The following BTD variants were observed in gnomAD, a reference collection of about 807,000 sequenced individuals.
BTD encodes the protein biocytinase.
In BTD, 13 loss-of-function variants were observed where a neutral mutation model predicts 17.7. The observed-to-expected ratio is 0.74, with a 90% CI of 0.48 to 1.17. BTD has a LOEUF of 1.17. BTD is among the 50% of genes most tolerant of loss of function. BTD has a pLI of 0.00. For missense variants in BTD, 674 were observed against 650.4 expected, an observed-to-expected ratio of 1.04 and a Z score of -0.39; for synonymous variants, 240 against 245.2, an observed-to-expected ratio of 0.98 and a Z score of 0.20.
intron 3 of BTD, chr3:15,684,848 A>G (rs1455535988): frequency 5.6e-6 from 1 of 180,084 alleles, no homozygotes; most frequent in African/African-American, 2.4e-5. Flanking sequence ...ACTTCAGGCT[A>G]CATGGTGGCT....
At chr3:15,613,258 A>G (rs1574979830) in intron 1 of BTD, among the ~76,000 whole-genome samples, 1 of 152,214 alleles carries the variant, frequency 6.6e-6, no homozygotes, top group African/African-American at 2.4e-5. Context: ...GCATTTTCCA[A>G]TTATGCATAT....
intron 3 of BTD, among the ~76,000 whole-genome samples, chr3:15,664,921 T>C (rs934161107): frequency 1.3e-5 from 2 of 151,684 alleles, no homozygotes; most frequent in African/African-American, 4.9e-5. Context: ...GCCTATTACC[T>C]GGGTGATGAA....
intron 1 of BTD, among the ~76,000 whole-genome samples, chr3:15,607,125 G>A (rs776730467): frequency 1.3e-5 from 2 of 152,002 alleles, no homozygotes; most frequent in Non-Finnish European, 2.9e-5. Flanking sequence ...TGCATACTCC[G>A]TAAGGACTAT....
intron 4 of BTD, chr3:15,720,945 T>G: frequency 6.2e-6 from 10 of 1,613,790 alleles, no homozygotes; most frequent in Non-Finnish European, 8.5e-6. Context: ...CATTGCCAAC[T>G]AGAAGCTCTA....
intron 3 of BTD, among the ~76,000 whole-genome samples, chr3:15,675,640 TA>T (rs936440668): frequency 8.5e-5 from 13 of 152,316 alleles, no homozygotes; most frequent in African/African-American, 3.1e-4. Context: ...CTTTGGCTAC[TA>T]AAACAACAGA....
intron 1 of BTD, among the ~76,000 whole-genome samples, chr3:15,619,442 G>C (rs756074888): frequency 7.2e-5 from 11 of 152,120 alleles, no homozygotes; most frequent in African/African-American, 1.4e-4. Context: ...TATTTAGCCT[G>C]TTAATGTGAT....
At chr3:15,630,012 C>T (rs537446312) in intron 1 of BTD, 2 of 984,996 alleles carry the variant, frequency 2.0e-6, no homozygotes, top group Admixed American at 1.2e-4. Flanking sequence ...ACAGATTTCC[C>T]CACGCAGACG....
downstream of BTD, among the ~76,000 whole-genome samples, chr3:15,653,900 A>C (rs1335526788): frequency 6.6e-6 from 1 of 152,190 alleles, no homozygotes; most frequent in African/African-American, 2.4e-5. Context: ...CTGTTTTTTA[A>C]AATTTATTTT....
chr3:15,609,632 C>T (rs2064557192), intron 1 of BTD, among the ~76,000 whole-genome samples: 2 of 152,086 alleles, frequency 1.3e-5, no homozygotes, highest in African/African-American at 4.8e-5. Context: ...CTTCTCAGTT[C>T]CATTTCTCTG....
chr3:15,714,532 G>A (rs186540761), downstream of BTD: 3,598 of 1,083,702 alleles, frequency 3.3e-3, no homozygotes, highest in South Asian at 9.4e-3. Flanking sequence ...CTACATTTAA[G>A]AAAAAAAAAA....
In BTD at chr3:15,648,016, C is replaced by T. The variant is rs901970506; in HGVS notation, c.*2528C>T. On this transcript the variant is annotated 3_prime_UTR_variant, in exon 4 of 4. Coordinates refer to ENST00000643237, the MANE Select transcript of BTD (RefSeq NM_001370658.1). Reference sequence around the variant, plus strand: ...GAAACCCACCCAGGCCACTTTTCCCCACAGGTGGCCCTGCTTGGTACCTGT... The same window carrying T: ...GAAACCCACCCAGGCCACTTTTCCCTACAGGTGGCCCTGCTTGGTACCTGT... Among the ~76,000 whole-genome samples, 1 of 152,158 alleles carries T rather than the reference C, an allele frequency of 6.6e-6. No individual in the cohort carries two copies. The highest frequency in any genetic ancestry group is 2.4e-5 in the African/African-American group (1 of 41,448).
intron 3 of BTD, chr3:15,709,545 C>A: frequency 1.7e-6 from 1 of 587,556 alleles, no homozygotes; most frequent in East Asian, 3.2e-5. Flanking sequence ...CTGGGACTCT[C>A]AATGAATCAT....
rs752641015 is a variant in BTD at position 15,635,524 on chromosome 3, G to A, written c.85G>A (p.Val29Met). The stretch of plus-strand genomic sequence containing the variant: ...GGGAGCCCACACCGGGGAGGAGAGC[G>A]TGGCTGACCATCACGAGGCTGAATA... ...ALGAHTGEES[V>M]ADHHEAEYYV... Residue 29 changes from valine to methionine, a missense_variant, in exon 2 of 4, where the codon GTG becomes ATG. Val to Met is a conservative substitution (Grantham distance 21). Coordinates refer to ENST00000643237, the MANE Select transcript of BTD (RefSeq NM_001370658.1). The surrounding 1 kb of genome is among the most constrained non-coding windows in gnomAD (Gnocchi z 4.1). 8.1e-6 allele frequency: 13 copies of A among 1,614,014 alleles called. No homozygotes were observed. Among genetic ancestry groups the A allele is most frequent in the African/African-American group, 2.7e-5 (2 of 74,908 alleles).
rs998179980 is a variant in BTD at position 15,631,332 on chromosome 3, T to C, written c.-16-4092T>C. On this transcript the variant is annotated intron_variant, in intron 1 of 3. Transcript: ENST00000643237. ...ATGACAAGATATTTTATTAAAAAGA[T>C]GTTTTATTTATCTTTTAAAGATTTT... 3 of 801,334 alleles carry C rather than the reference T, an allele frequency of 3.7e-6. No individual in the cohort carries two copies. The African/African-American group carries it at 5.2e-5, about 14-fold the overall frequency. The allele number at this position is 801,334 out of a possible 1,614,324, so 49.6% of individuals were successfully genotyped here. A position where few individuals can be genotyped will look rare whatever the true frequency, so the allele number is the denominator to read the frequency against.
intron 1 of BTD, among the ~76,000 whole-genome samples, chr3:15,614,592 C>CTTTTTTTTTTTTT (rs1333154147): frequency 6.8e-6 from 1 of 146,192 alleles, no homozygotes; most frequent in African/African-American, 2.6e-5. Flanking sequence ...TTGACAATAT[C>CTTTTTTTTTTTTT]TTTTTCTTTT....
At chr3:15,677,113 A>G (rs1038778209) in intron 3 of BTD, 61 of 1,360,626 alleles carry the variant, frequency 4.5e-5, no homozygotes, top group Admixed American at 2.5e-4. Flanking sequence ...ATACATTTAT[A>G]CACCCAACAA....
chr3:15,681,932 T>C (rs1370034511), intron 3 of BTD, among the ~76,000 whole-genome samples: 1 of 152,146 alleles, frequency 6.6e-6, no homozygotes, highest in East Asian at 1.9e-4. Context: ...AGTGCTGAGG[T>C]TGAGAAACTC....
At chr3:15,664,166 T>C (rs2065954697) in intron 3 of BTD, among the ~76,000 whole-genome samples, 1 of 152,228 alleles carries the variant, frequency 6.6e-6, no homozygotes, top group Non-Finnish European at 1.5e-5. Flanking sequence ...AGCACAACTA[T>C]GTCCTTACTG....
chr3:15,650,757 C>A lies in BTD; in HGVS notation c.*5269C>A, dbSNP rs2065788331. On this transcript the variant is annotated 3_prime_UTR_variant, in exon 4 of 4. Transcript: ENST00000643237. ...GTGCCCATCCTGAATCAATGATCGG[C>A]CAGAGAGCTGTGATATTCTTTTGTT... Among the ~76,000 whole-genome samples the A allele has an allele frequency of 6.6e-6, 1 of 152,106 alleles. No homozygotes were observed. The highest frequency in any genetic ancestry group is 6.6e-5 in the Admixed American group (1 of 15,254).
Sources: gnomAD v4.1 joint callset for allele counts (sites outside exome capture counted in the v4.1 genomes callset) on GRCh38, gnomAD v4.1.1 for gene constraint, Gnocchi (gnomAD v3.1) non-coding constraint, MANE v1.5 for transcripts, NCBI Gene and HGNC (gene_info 2026-07-23, HGNC 2026-07-21) for gene names.